The following TAP1 variants were observed in gnomAD, a reference collection of about 807,000 sequenced individuals.
The protein encoded by TAP1 is antigen peptide transporter 1.
In TAP1, 56 loss-of-function variants were observed where a neutral mutation model predicts 79.3. That is an observed-to-expected ratio of 0.71 (90% CI 0.57 to 0.88). TAP1 has a LOEUF of 0.88. Among genes scored for constraint, TAP1 ranks in the 40% least tolerant of loss-of-function variants. TAP1 has a pLI of 0.00. For missense variants in TAP1, 737 were observed against 936.3 expected (o/e 0.79, Z 2.78); for synonymous variants, 355 against 401.4 (o/e 0.88, Z 1.38).
At position 32,850,364 on chromosome 6, in the gene TAP1, G is replaced by T. The variant is rs1305551692; in HGVS notation, c.1204C>A (p.Gln402Lys). ...ACTGCATAGGCCACAGCCTCCTTCTGGTTGAGTGTCTTTATTTCTTGCAGC... is the reference window on the plus strand; with the variant it reads ...ACTGCATAGGCCACAGCCTCCTTCTTGTTGAGTGTCTTTATTTCTTGCAGC... Reference protein sequence around the residue: ...EKLQEIKTLNQKEAVAYAVNS... With the variant: ...EKLQEIKTLNKKEAVAYAVNS... The change falls in exon 5 of 11, where the codon CAG (glutamine) becomes AAG (lysine). Residue 402 changes from glutamine to lysine, a missense_variant. Coordinates refer to ENST00000354258, the MANE Select transcript of TAP1 (RefSeq NM_000593.6). This position sits in a 1 kb window ranked among gnomAD's most constrained non-coding sequence, Gnocchi z 5.5. 1.2e-6 allele frequency: 2 copies of T among 1,614,250 alleles called. No homozygotes were observed. Among genetic ancestry groups the T allele is most frequent in the Non-Finnish European group, 8.5e-7 (1 of 1,180,058 alleles).
At position 32,847,788 on chromosome 6, in the gene TAP1, C is replaced by A; in HGVS notation, c.1741-113G>T. ...AACATGTCACAAAATCATACTACCT[C>A]CCTCCTGACTACACCACCATCTCCA... is the stretch of plus-strand genomic sequence containing the variant. On this transcript the variant is annotated intron_variant, in intron 8 of 10. Coordinates refer to ENST00000354258, the MANE Select transcript of TAP1 (RefSeq NM_000593.6). The surrounding 1 kb of genome is among the most constrained non-coding windows in gnomAD (Gnocchi z 4.7). 1 of 1,555,760 alleles carries A rather than the reference C, an allele frequency of 6.4e-7. No homozygotes were observed.
rs1770527322 is a variant in TAP1, at chr6:32,847,759, T to A, written c.1741-84A>T. 1 of 1,580,926 alleles carries A rather than the reference T, an allele frequency of 6.3e-7. No homozygotes were observed. ...GAGATCGAAGACTCAAAATCTTTATTGAGAACATGTCACAAAATCATACTA... is the reference window on the plus strand; with the variant it reads ...GAGATCGAAGACTCAAAATCTTTATAGAGAACATGTCACAAAATCATACTA... On this transcript the variant is annotated intron_variant, in intron 8 of 10. Transcript: ENST00000354258. This position sits in a 1 kb window ranked among gnomAD's most constrained non-coding sequence, Gnocchi z 4.7.
Position 32,853,495 on chromosome 6 carries a change from C to G in TAP1, c.142G>C (p.Val48Leu). 1 of 1,609,828 alleles carries G rather than the reference C, an allele frequency of 6.2e-7. No homozygotes were observed. The highest frequency in any genetic ancestry group is 8.5e-7 in the Non-Finnish European group (1 of 1,177,712). ...CGGAGCAGTGGCAGCGCGGTGGGCA[C>G]CAGCAGGGAGAATATGCGGGGCAGC... ...TALPRIFSLL[V>L]PTALPLLRVW... The change falls in exon 1 of 11, where the codon GTG (valine) becomes CTG (leucine). Residue 48 changes from valine to leucine, a missense_variant. Physicochemically the swap from Val to Leu is conservative, Grantham distance 32 (BLOSUM62 1). Around this residue, in one of 5 missense-constraint regions of TAP1, gnomAD observed 6 missense variants for 24.6 expected, o/e 0.24. Transcript: ENST00000354258. The surrounding 1 kb of genome is among the most constrained non-coding windows in gnomAD (Gnocchi z 8.3).
chr6:32,845,627 CT>C lies in TAP1; in HGVS notation c.2198del (p.Lys733ArgfsTer66). Reference protein sequence around the residue: ...GGTHQQLMEKKGCYWAMVQAP... With the variant: ...GGTHQQLMEKXGCYWAMVQAP... ...CCTGCACCATGGCCCAGTAGCACCC[CT>C]TTTTCTCCATGAGCTGCTGGTGGGT... On this transcript the variant is annotated frameshift_variant, in exon 11 of 11. Transcript: ENST00000354258. LOFTEE classifies it high-confidence loss of function. This position sits in a 1 kb window ranked among gnomAD's most constrained non-coding sequence, Gnocchi z 4.5. 6.2e-7 allele frequency: 1 copy of C among 1,613,090 alleles called. No individual in the cohort carries two copies. The highest frequency in any genetic ancestry group is 8.5e-7 in the Non-Finnish European group (1 of 1,180,034).
At chr6:32,849,188 T>C (rs1770633495) in intron 5 of TAP1, 70 bp from the exon 6 acceptor site, 1 of 1,538,218 alleles carries the variant, frequency 6.5e-7, no homozygotes, top group Admixed American at 2.0e-5. Flanking sequence ...ACCGCAGTCA[T>C]TAACCTGAAG....
At position 32,847,173 on chromosome 6, in the gene TAP1, C is replaced by A. The variant is rs753202043; in HGVS notation, c.1935G>T (p.Gly645=). Residue 645 remains glycine, a synonymous_variant, in exon 10 of 11, where the codon GGG becomes GGT. Coordinates refer to ENST00000354258, the MANE Select transcript of TAP1 (RefSeq NM_000593.6). The surrounding 1 kb of genome is among the most constrained non-coding windows in gnomAD (Gnocchi z 4.7). ...EVDEAGSQLS[G]GQRQAVALAR... ...CCAACGCCACTGCCTGTCGCTGACCCCCTGACAGCTGGCTCCCAGCCTCGT... is the reference window on the plus strand; with the variant it reads ...CCAACGCCACTGCCTGTCGCTGACCACCTGACAGCTGGCTCCCAGCCTCGT... The A allele has an allele frequency of 6.2e-7, 1 of 1,612,620 alleles. No individual in the cohort carries two copies. Among genetic ancestry groups the A allele is most frequent in the Non-Finnish European group, 8.5e-7 (1 of 1,180,044 alleles).
At position 32,853,137 on chromosome 6, in the gene TAP1, C is replaced by T; in HGVS notation, c.500G>A (p.Gly167Asp). ...LGSLWVPGGQ[G>D]GSGNPVRRLL... ...CCGACGCACAGGGTTTCCAGAGCCG[C>T]CCTGACCGCCGGGCACCCAGAGGCT... Residue 167 changes from glycine to aspartate, a missense_variant, in exon 1 of 11, where the codon GGC (glycine) becomes GAC (aspartate). Physicochemically the swap from Gly to Asp is moderately conservative, Grantham distance 94. Around this residue, in one of 5 missense-constraint regions of TAP1, gnomAD observed 406 missense variants for 477.2 expected, o/e 0.85. Transcript: ENST00000354258. This position sits in a 1 kb window ranked among gnomAD's most constrained non-coding sequence, Gnocchi z 8.3. The T allele has an allele frequency of 1.2e-6, 2 of 1,612,720 alleles. No individual in the cohort carries two copies. Among genetic ancestry groups the T allele is most frequent in the Non-Finnish European group, 1.7e-6 (2 of 1,179,928 alleles).
rs765527607 is a variant in TAP1, at chr6:32,847,171, C to T, written c.1937G>A (p.Gly646Asp). Residue 646 changes from glycine (G) to aspartate (D), a missense_variant, in exon 10 of 11, where the codon GGT becomes GAT. Physicochemically the swap from Gly to Asp is moderately conservative, Grantham distance 94. This residue lies in a region of TAP1 where 266 missense variants were observed against 332.4 expected (regional missense o/e 0.80). Transcript: ENST00000354258. This position sits in a 1 kb window ranked among gnomAD's most constrained non-coding sequence, Gnocchi z 4.7. ...GGCCAACGCCACTGCCTGTCGCTGA[C>T]CCCCTGACAGCTGGCTCCCAGCCTC... ...VDEAGSQLSGGQRQAVALARA... is the reference protein window; with the variant it reads ...VDEAGSQLSGDQRQAVALARA... 4.3e-6 allele frequency: 7 copies of T among 1,612,590 alleles called. No homozygotes were observed. The highest frequency in any genetic ancestry group is 1.7e-5 in the Admixed American group (1 of 60,028).
chr6:32,848,895 G>T (rs1400432823), intron 6 of TAP1, 55 bp from the exon 7 acceptor site: 1 of 1,612,660 alleles, frequency 6.2e-7, no homozygotes, highest in Non-Finnish European at 8.5e-7. Context: ...AGCATTATGT[G>T]AAGCAAGAAG....
At position 32,850,924 on chromosome 6, in the gene TAP1, G is replaced by T; in HGVS notation, c.1050+20C>A. The T allele has an allele frequency of 6.2e-7, 1 of 1,605,896 alleles. No individual in the cohort carries two copies. Among genetic ancestry groups the T allele is most frequent in the Non-Finnish European group, 8.5e-7 (1 of 1,175,746 alleles). On this transcript the variant is annotated intron_variant, in intron 4 of 10. Coordinates refer to ENST00000354258, the MANE Select transcript of TAP1 (RefSeq NM_000593.6). The surrounding 1 kb of genome is among the most constrained non-coding windows in gnomAD (Gnocchi z 5.5). The stretch of plus-strand genomic sequence containing the variant: ...GGGAGATGAGGGTCTGTGTAGAGCG[G>T]GCCAACTCCATGAACATACCTGGTA...
rs1241963784 is a variant in TAP1 at position 32,847,119 on chromosome 6, T to G, written c.1989A>C (p.Val663=). ...CACTGGTGGCATCATCCAGGATAAG[T>G]ACACACGGTTTCCGGATCAATGCTC... is the stretch of plus-strand genomic sequence containing the variant. ...LARALIRKPC[V]LILDDATSAL... is the part of the protein sequence containing the mutation. The change falls in exon 10 of 11, where the codon GTA becomes GTC. Residue 663 remains valine, a synonymous_variant. Coordinates refer to ENST00000354258, the MANE Select transcript of TAP1 (RefSeq NM_000593.6). The surrounding 1 kb of genome is among the most constrained non-coding windows in gnomAD (Gnocchi z 4.7). 1 of 1,613,008 alleles carries G rather than the reference T, an allele frequency of 6.2e-7. No homozygotes were observed. The highest frequency in any genetic ancestry group is 8.5e-7 in the Non-Finnish European group (1 of 1,180,036).
rs1357850772 is a variant in TAP1 at position 32,847,955 on chromosome 6, G to A, written c.1704C>T (p.Pro568=). The A allele has an allele frequency of 2.5e-6, 4 of 1,613,056 alleles. No individual in the cohort carries two copies. The highest frequency in any genetic ancestry group is 1.1e-5 in the South Asian group (1 of 91,084). ...TGGQLLLDGK[P]LPQYEHRYLH... The stretch of plus-strand genomic sequence containing the variant: ...GGTAGCGGTGCTCATATTGGGGAAG[G>A]GGCTTCCCATCCAACAGCAGCTGTC... The change falls in exon 8 of 11, where the codon CCC becomes CCT. Residue 568 remains proline, a synonymous_variant. Coordinates refer to ENST00000354258, the MANE Select transcript of TAP1 (RefSeq NM_000593.6). This position sits in a 1 kb window ranked among gnomAD's most constrained non-coding sequence, Gnocchi z 4.7.
At position 32,851,124 on chromosome 6, in the gene TAP1, C is replaced by G. The variant is rs1770757266; in HGVS notation, c.870G>C (p.Glu290Asp). 1 of 1,612,778 alleles carries G rather than the reference C, an allele frequency of 6.2e-7. No homozygotes were observed. Among genetic ancestry groups the G allele is most frequent in the Non-Finnish European group, 8.5e-7 (1 of 1,179,992 alleles). The change falls in exon 4 of 11, where the codon GAG becomes GAC. Residue 290 changes from glutamate (E) to aspartate (D), a missense_variant. Coordinates refer to ENST00000354258, the MANE Select transcript of TAP1 (RefSeq NM_000593.6). This position sits in a 1 kb window ranked among gnomAD's most constrained non-coding sequence, Gnocchi z 4.8. Reference protein sequence around the residue: ...QTGNIMSRVTEDTSTLSDSLS... With the variant: ...QTGNIMSRVTDDTSTLSDSLS... Reference sequence around the variant, plus strand: ...GAGAATCACTCAGGGTGGACGTGTCCTCTGTTACCCGAGACATGATGTTAC... The same window carrying G: ...GAGAATCACTCAGGGTGGACGTGTCGTCTGTTACCCGAGACATGATGTTAC...
chr6:32,849,527 G>A (rs1770653381), intron 5 of TAP1: 1 of 296,268 alleles, frequency 3.4e-6, no homozygotes, highest in African/African-American at 2.2e-5. Context: ...GGATCACAAG[G>A]TCAGGAGATT....
intron 10 of TAP1, 124 bp downstream of exon 10, chr6:32,846,944 G>T: frequency 6.8e-7 from 1 of 1,467,256 alleles, no homozygotes; most frequent in Non-Finnish European, 9.4e-7. Context: ...AATGGAACTG[G>T]ATTTGGGAAC....
Position 32,848,676 on chromosome 6 carries a change from G to T in TAP1, c.1542C>A (p.Asn514Lys), listed in dbSNP as rs752778376. The T allele has an allele frequency of 6.2e-7, 1 of 1,614,142 alleles. No individual in the cohort carries two copies. The highest frequency in any genetic ancestry group is 8.5e-7 in the Non-Finnish European group (1 of 1,180,032). Residue 514 changes from asparagine (N) to lysine (K), a missense_variant, in exon 7 of 11, where the codon AAC becomes AAA. By Grantham distance (94) the Asn-to-Lys change is moderately conservative (BLOSUM62 0). Transcript: ENST00000354258. ...QFQDVSFAYP[N>K]RPDVLVLQGL... is the part of the protein sequence containing the mutation. The stretch of plus-strand genomic sequence containing the variant: ...CCTGTAGCACTAAGACATCTGGGCG[G>T]TTTGGGTAGGCAAAGGAGACATCTT...
chr6:32,847,716 T>C lies in TAP1; in HGVS notation c.1741-41A>G. 1.9e-6 allele frequency: 3 copies of C among 1,609,010 alleles called. No individual in the cohort carries two copies. The highest frequency in any genetic ancestry group is 2.6e-6 in the Non-Finnish European group (3 of 1,176,322). On this transcript the variant is annotated intron_variant, in intron 8 of 10. Transcript: ENST00000354258. The surrounding 1 kb of genome is among the most constrained non-coding windows in gnomAD (Gnocchi z 4.7). Reference sequence around the variant, plus strand: ...ATGAAGAGTCATAGAACAAGGCACATGGGAGTATGGTTATCTAGAGATCGA... The same window carrying C: ...ATGAAGAGTCATAGAACAAGGCACACGGGAGTATGGTTATCTAGAGATCGA...
chr6:32,853,339 C>A lies in TAP1; in HGVS notation c.298G>T (p.Ala100Ser), dbSNP rs1187736975. The change falls in exon 1 of 11, where the codon GCT (alanine) becomes TCT (serine). Residue 100 changes from alanine (A) to serine (S), a missense_variant. By Grantham distance (99) the Ala-to-Ser change is moderately conservative (BLOSUM62 1). This residue lies in a region of TAP1 where 406 missense variants were observed against 477.2 expected (regional missense o/e 0.85). Coordinates refer to ENST00000354258, the MANE Select transcript of TAP1 (RefSeq NM_000593.6). This position sits in a 1 kb window ranked among gnomAD's most constrained non-coding sequence, Gnocchi z 8.3. Reference sequence around the variant, plus strand: ...GGCAGGGCCAAGCCCAGTGCCGCAGCTAATGGCTTCAAAGCAGCCAGCCAG... The same window carrying A: ...GGCAGGGCCAAGCCCAGTGCCGCAGATAATGGCTTCAAAGCAGCCAGCCAG... Reference protein sequence around the residue: ...QGWLAALKPLAAALGLALPGL... With the variant: ...QGWLAALKPLSAALGLALPGL... 5.1e-6 allele frequency: 8 copies of A among 1,583,298 alleles called. No individual in the cohort carries two copies. Among genetic ancestry groups the A allele is most frequent in the Non-Finnish European group, 6.9e-6 (8 of 1,164,518 alleles).
rs1010241068 is a variant in TAP1 at position 32,853,227 on chromosome 6, G to C, written c.410C>G (p.Pro137Arg). 8 of 1,609,410 alleles carry C rather than the reference G, an allele frequency of 5.0e-6. No homozygotes were observed. In the African/African-American group the frequency reaches 8.0e-5, roughly 16 times the overall value. ...TGCATAACTGACAACGAAGGCGGTA[G>C]GGTGACTTCCCCAGTGCAGTAGCCT... The part of the protein sequence containing the change: ...STRLLHWGSH[P>R]TAFVVSYAAA... Residue 137 changes from proline (P) to arginine (R), a missense_variant, in exon 1 of 11, where the codon CCT becomes CGT. Around this residue, in one of 5 missense-constraint regions of TAP1, gnomAD observed 406 missense variants for 477.2 expected, o/e 0.85. Coordinates refer to ENST00000354258, the MANE Select transcript of TAP1 (RefSeq NM_000593.6). The surrounding 1 kb of genome is among the most constrained non-coding windows in gnomAD (Gnocchi z 8.3).
Sources: gnomAD v4.1 joint callset for allele counts on GRCh38, gnomAD v4.1.1 for gene constraint, gnomAD v4.1.1 regional missense constraint, Gnocchi (gnomAD v3.1) non-coding constraint, MANE v1.5 for transcripts, NCBI Gene and HGNC (gene_info 2026-07-23, HGNC 2026-07-21) for gene names.